KCNIP4: variants seen among roughly 807,000 people sequenced by gnomAD.
KCNIP4 encodes the protein Kv channel-interacting protein 4.
A neutral mutation model predicts 34.0 loss-of-function variants in KCNIP4; 12 were observed. That is an observed-to-expected ratio of 0.35 (90% CI 0.23 to 0.57). The LOEUF (loss-of-function observed/expected upper bound fraction) is 0.57. Among genes scored for constraint, KCNIP4 ranks in the 20% least tolerant of loss-of-function variants. KCNIP4 has a pLI of 0.83. For synonymous variants in KCNIP4, 124 were observed against 102.2 expected (o/e 1.21, Z -1.29); for missense variants, 238 against 311.7 (o/e 0.76, Z 1.78).
At chr4:21,361,664 C>T (rs1189817694) in intron 1 of KCNIP4, among the ~76,000 whole-genome samples, 1 of 150,716 alleles carries the variant, frequency 6.6e-6, no homozygotes, top group South Asian at 2.1e-4. Context: ...ATCCTAAAGT[C>T]TCTCAGATTG....
chr4:20,934,937 C>T (rs1309848750), intron 1 of KCNIP4, among the ~76,000 whole-genome samples: 1 of 152,134 alleles, frequency 6.6e-6, no homozygotes, highest in East Asian at 1.9e-4. Flanking sequence ...TTATTCTTTG[C>T]CTCTTCATCT....
intron 1 of KCNIP4, among the ~76,000 whole-genome samples, chr4:21,137,442 C>A (rs1751585717): frequency 6.6e-6 from 1 of 152,024 alleles, no homozygotes; most frequent in South Asian, 2.1e-4. Context: ...TTTTTCATTT[C>A]TTTGTAATAC....
At chr4:21,407,053 C>A (rs564928337) in intron 1 of KCNIP4, among the ~76,000 whole-genome samples, 1 of 152,168 alleles carries the variant, frequency 6.6e-6, no homozygotes, top group Non-Finnish European at 1.5e-5. Context: ...CAAAGTTCAA[C>A]ATAGACCTTA....
chr4:21,216,429 G>A (rs934157426), intron 1 of KCNIP4, among the ~76,000 whole-genome samples: 2 of 152,198 alleles, frequency 1.3e-5, no homozygotes, highest in Non-Finnish European at 2.9e-5. Context: ...ACATGAGGCT[G>A]AGTAAATTTG....
intron 1 of KCNIP4, among the ~76,000 whole-genome samples, chr4:20,988,171 C>T (rs922508331): frequency 2.6e-5 from 4 of 151,994 alleles, no homozygotes; most frequent in African/African-American, 7.3e-5. Context: ...TGGGTATACT[C>T]GGTACCAGGT....
chr4:20,788,871 T>G (rs992006976), intron 3 of KCNIP4, among the ~76,000 whole-genome samples: 2 of 152,006 alleles, frequency 1.3e-5, no homozygotes, highest in African/African-American at 4.8e-5. Flanking sequence ...AGTATCACAG[T>G]GAGGAGGAAG....
At chr4:20,764,842 C>T (rs1452112781) in intron 3 of KCNIP4, among the ~76,000 whole-genome samples, 1 of 152,202 alleles carries the variant, frequency 6.6e-6, no homozygotes, top group Non-Finnish European at 1.5e-5. Context: ...TTCACACAGA[C>T]AGGGTCGCTG....
chr4:21,849,466 A>T (rs1455185406), intron 1 of KCNIP4: 5 of 152,120 alleles, frequency 3.3e-5, no homozygotes, highest in Non-Finnish European at 7.4e-5. Context: ...TAAAAACAAA[A>T]CAATTATTGA....
chr4:20,954,685 T>A (rs1017546338), intron 1 of KCNIP4, among the ~76,000 whole-genome samples: 1 of 152,190 alleles, frequency 6.6e-6, no homozygotes, highest in Non-Finnish European at 1.5e-5. Context: ...CTGGCAGATG[T>A]CACTAATTAG....
chr4:21,024,231 G>A (rs1028936777), intron 1 of KCNIP4, among the ~76,000 whole-genome samples: 1 of 152,072 alleles, frequency 6.6e-6, no homozygotes, highest in African/African-American at 2.4e-5. Context: ...CCCTTGCGAC[G>A]TCATTAGCTA....
At chr4:21,945,126 TA>T (rs1730439970) in intron 1 of KCNIP4, among the ~76,000 whole-genome samples, 1 of 152,098 alleles carries the variant, frequency 6.6e-6, no homozygotes, top group Non-Finnish European at 1.5e-5. Context: ...GAAAAATAAA[TA>T]AAAGGACAAA....
At chr4:21,294,122 G>A (rs970835257) in intron 1 of KCNIP4, among the ~76,000 whole-genome samples, 1 of 152,136 alleles carries the variant, frequency 6.6e-6, no homozygotes, top group South Asian at 2.1e-4. Flanking sequence ...TGATCATAGT[G>A]CCTGACATAT....
chr4:21,227,710 A>T (rs945718861), intron 1 of KCNIP4, among the ~76,000 whole-genome samples: 1 of 152,170 alleles, frequency 6.6e-6, no homozygotes, highest in Non-Finnish European at 1.5e-5. Flanking sequence ...AAAACCAACT[A>T]GTTATCAAAA....
At chr4:20,895,556 C>T (rs1423887168) in intron 1 of KCNIP4, among the ~76,000 whole-genome samples, 2 of 152,282 alleles carry the variant, frequency 1.3e-5, no homozygotes, top group African/African-American at 4.8e-5. Context: ...TGAGACAGTA[C>T]TTTCCTTTCC....
intron 1 of KCNIP4, among the ~76,000 whole-genome samples, chr4:21,443,642 T>G (rs1202327712): frequency 6.6e-6 from 1 of 152,112 alleles, no homozygotes. Flanking sequence ...TCTAAAGAAT[T>G]TGGACTCAAG....
chr4:20,916,194 C>T (rs1728796083), intron 1 of KCNIP4: 1 of 347,176 alleles, frequency 2.9e-6, no homozygotes, highest in Non-Finnish European at 4.0e-6. Context: ...ACAATCTCCT[C>T]TCTTATAAAA....
chr4:21,484,986 A>G (rs1001231668), intron 1 of KCNIP4, among the ~76,000 whole-genome samples: 3 of 152,214 alleles, frequency 2.0e-5, no homozygotes. Flanking sequence ...CCAGAGAGAT[A>G]TTCTACTGAA....
intron 1 of KCNIP4, among the ~76,000 whole-genome samples, chr4:21,104,171 CAATGGTTGA>C (rs372563657): frequency 0.29 from 42,927 of 150,206 alleles, 6,763 homozygotes; most frequent in African/African-American, 0.43. Context: ...CTGTCTTCCA[CAATGGTTGA>C]AATGGTTGAA....
chr4:20,980,248 C>T (rs1410367027), intron 1 of KCNIP4, among the ~76,000 whole-genome samples: 1 of 152,216 alleles, frequency 6.6e-6, no homozygotes, highest in Non-Finnish European at 1.5e-5. Flanking sequence ...CTTTCCCACC[C>T]TCTCAGTCAA....
Sources: gnomAD v4.1 joint callset for allele counts (sites outside exome capture counted in the v4.1 genomes callset) on GRCh38, gnomAD v4.1.1 for gene constraint, MANE v1.5 for transcripts, NCBI Gene and HGNC (gene_info 2026-07-23, HGNC 2026-07-21) for gene names.